Variants in NHSL2 observed in about 807,000 individuals in gnomAD.
NHSL2 encodes NHS like 2, also known as NHS-like protein 2.
A neutral mutation model predicts 53.4 loss-of-function variants in NHSL2; 27 were observed. The observed-to-expected ratio is 0.51, with a 90% CI of 0.37 to 0.70. The LOEUF is 0.70. Ranked by LOEUF, NHSL2 falls within the 30% of genes least tolerant of loss-of-function variation. The probability of loss-of-function intolerance (pLI) is 0.00; values close to 1 mark genes in which losing one functional copy is unlikely to be tolerated. For synonymous variants in NHSL2, 408 were observed against 404.1 expected, an observed-to-expected ratio of 1.01 and a Z score of -0.12; for missense variants, 892 against 980.1, an observed-to-expected ratio of 0.91 and a Z score of 1.20.
intron 1 of NHSL2, among the ~76,000 whole-genome samples, chrX:71,928,445 T>C (rs747054059): frequency 4.1e-3 from 465 of 112,438 alleles, no homozygotes; most frequent in Non-Finnish European, 6.7e-3. Flanking sequence ...TTGTGCCTAA[T>C]GTCATGGGAG....
chrX:72,023,223 T>C (rs761059266), intron 1 of NHSL2, among the ~76,000 whole-genome samples: 12 of 112,734 alleles, frequency 1.1e-4, no homozygotes, highest in Non-Finnish European at 1.5e-4. Context: ...TGACATAAGA[T>C]TGGCAAATTG....
chrX:72,088,563 G>A (rs979713204), intron 1 of NHSL2, among the ~76,000 whole-genome samples: 6 of 111,697 alleles, frequency 5.4e-5, no homozygotes, highest in Non-Finnish European at 9.4e-5. Context: ...ATGGGTCTCC[G>A]TGAAATGGCC....
chrX:72,042,084 C>T (rs2042277502), intron 1 of NHSL2, among the ~76,000 whole-genome samples: 1 of 112,610 alleles, frequency 8.9e-6, no homozygotes, highest in South Asian at 3.6e-4. Context: ...CACTGGCCTA[C>T]AGTGGAGACT....
chrX:72,132,038 C>G (rs1447918175), intron 1 of NHSL2, 41 bp from the exon 2 acceptor site: 1 of 1,159,858 alleles, frequency 8.6e-7, no homozygotes, highest in East Asian at 3.3e-5. Flanking sequence ...CCGCTCCCCT[C>G]CAGCTCGCCT....
chrX:72,060,867 G>A (rs2042395719), intron 1 of NHSL2, among the ~76,000 whole-genome samples: 1 of 113,018 alleles, frequency 8.8e-6, no homozygotes, highest in Non-Finnish European at 1.9e-5. Context: ...AGGACTTCAT[G>A]TCTTTGGCAG....
At position 72,142,286 on chromosome X, in the gene NHSL2, C is replaced by T; in HGVS notation, c.3278C>T (p.Ala1093Val). The T allele has an allele frequency of 8.7e-7, 1 of 1,154,474 alleles. No homozygotes were observed. The highest frequency in any genetic ancestry group is 1.2e-6 in the Non-Finnish European group (1 of 861,452). ...EEKSLISDKT[A>V]EWIAEDDDDV... ...AAAAGTTTAATCAGTGATAAAACAG[C>T]TGAATGGATTGCAGAGGATGATGAT... The change falls in exon 7 of 8, where the codon GCT (alanine) becomes GTT (valine). Residue 1093 changes from alanine (A) to valine (V), a missense_variant. Transcript: ENST00000633930.
intron 1 of NHSL2, among the ~76,000 whole-genome samples, chrX:72,102,562 A>G (rs992792933): frequency 2.7e-5 from 3 of 112,640 alleles, no homozygotes; most frequent in African/African-American, 9.7e-5. Flanking sequence ...GTTGAATCCT[A>G]TGAAACTGTC....
intron 1 of NHSL2, among the ~76,000 whole-genome samples, chrX:71,926,390 A>T (rs1369835825): frequency 1.8e-5 from 2 of 112,096 alleles, no homozygotes; most frequent in Non-Finnish European, 3.8e-5. Flanking sequence ...ATAAACTATG[A>T]CTTATTTCTT....
At chrX:71,972,866 T>TTGTGTG (rs372160139) in intron 1 of NHSL2, among the ~76,000 whole-genome samples, 7,229 of 93,642 alleles carry the variant, frequency 0.077, 331 homozygotes, top group African/African-American at 0.15. Flanking sequence ...ATCTTTATTG[T>TTGTGTG]TGTGTGTGTG....
At chrX:71,935,132 A>G (rs1444593736) in intron 1 of NHSL2, among the ~76,000 whole-genome samples, 1 of 112,099 alleles carries the variant, frequency 8.9e-6, no homozygotes, top group African/African-American at 3.2e-5. Flanking sequence ...CTCACACAGC[A>G]CCATTCCCGG....
At chrX:71,966,420 C>T (rs1219473343) in intron 1 of NHSL2, among the ~76,000 whole-genome samples, 1 of 111,956 alleles carries the variant, frequency 8.9e-6, no homozygotes, top group Non-Finnish European at 1.9e-5. Context: ...ATGATGTTAG[C>T]CATAGGTTTT....
At chrX:72,118,356 A>AT (rs916858925) in intron 1 of NHSL2, among the ~76,000 whole-genome samples, 2 of 112,063 alleles carry the variant, frequency 1.8e-5, no homozygotes, top group Non-Finnish European at 3.8e-5. Context: ...TTTGTAAGAT[A>AT]TTTTTATATG....
intron 1 of NHSL2, among the ~76,000 whole-genome samples, chrX:71,915,013 C>T (rs927427686): frequency 9.1e-6 from 1 of 110,352 alleles, no homozygotes. Context: ...CTTTTCTCTT[C>T]CCACCCCACC....
chrX:72,024,327 C>G (rs1295342610), intron 1 of NHSL2, among the ~76,000 whole-genome samples: 2 of 111,631 alleles, frequency 1.8e-5, no homozygotes, highest in Non-Finnish European at 3.8e-5. Flanking sequence ...ATGGGGCTAC[C>G]AGGAGAGGCC....
chrX:72,094,912 G>C (rs1197956607), intron 1 of NHSL2, among the ~76,000 whole-genome samples: 1 of 112,136 alleles, frequency 8.9e-6, no homozygotes, highest in East Asian at 2.8e-4. Context: ...TTGCAACGCA[G>C]GGTGCAGTAA....
intron 1 of NHSL2, chrX:72,131,658 C>G: frequency 1.4e-6 from 1 of 730,286 alleles, no homozygotes; most frequent in Non-Finnish European, 1.9e-6. Context: ...AGTGCGGCAG[C>G]GGGGCACGGG....
At chrX:71,972,271 G>A (rs962787324) in intron 1 of NHSL2, among the ~76,000 whole-genome samples, 1 of 111,704 alleles carries the variant, frequency 9.0e-6, no homozygotes, top group African/African-American at 3.3e-5. Context: ...CTGACCTCAG[G>A]TGATCTGCCC....
At chrX:72,098,175 C>T (rs1273795602) in intron 1 of NHSL2, among the ~76,000 whole-genome samples, 2 of 112,317 alleles carry the variant, frequency 1.8e-5, no homozygotes, top group Non-Finnish European at 3.8e-5. Flanking sequence ...AGCAGTTGAG[C>T]AAGGGGAGCC....
chrX:71,923,929 T>C (rs764055671), intron 1 of NHSL2, among the ~76,000 whole-genome samples: 2 of 112,134 alleles, frequency 1.8e-5, no homozygotes, highest in Non-Finnish European at 3.8e-5. Flanking sequence ...GGCTTTGAAA[T>C]GGTGAGTTTT....
Sources: gnomAD v4.1 joint callset for allele counts (sites outside exome capture counted in the v4.1 genomes callset) on GRCh38, gnomAD v4.1.1 for gene constraint, MANE v1.5 for transcripts, NCBI Gene and HGNC (gene_info 2026-07-23, HGNC 2026-07-21) for gene names.